The following MYO9A variants were observed in gnomAD, a reference collection of about 807,000 sequenced individuals.
MYO9A encodes the protein myosin IXA, also known as unconventional myosin-IXa.
In MYO9A, 103 loss-of-function variants were observed where a neutral mutation model predicts 293.3. The observed-to-expected ratio is 0.35, with a 90% confidence interval of 0.30 to 0.41. The LOEUF is 0.41. Among genes scored for constraint, MYO9A ranks in the 10% least tolerant of loss-of-function variants. The pLI is 1.00. For missense variants in MYO9A, 2,685 were observed against 3,033.0 expected, an observed-to-expected ratio of 0.89 and a Z score of 2.69; for synonymous variants, 1,001 against 1,035.7, an observed-to-expected ratio of 0.97 and a Z score of 0.64.
At chr15:71,918,523 C>T (rs186419269) in intron 18 of MYO9A, among the ~76,000 whole-genome samples, 34 of 152,094 alleles carry the variant, frequency 2.2e-4, no homozygotes, top group African/African-American at 7.0e-4. Flanking sequence ...AAACAACACA[C>T]ATGTAAAAAG....
chr15:71,975,618 C>T (rs896369608), intron 12 of MYO9A, among the ~76,000 whole-genome samples: 1 of 152,096 alleles, frequency 6.6e-6, no homozygotes, highest in African/African-American at 2.4e-5. Context: ...CTTTTACCTG[C>T]CCAAGGCAGG....
intron 18 of MYO9A, among the ~76,000 whole-genome samples, chr15:71,918,596 C>T (rs2058073272): frequency 6.6e-6 from 1 of 152,116 alleles, no homozygotes; most frequent in African/African-American, 2.4e-5. Context: ...ATTATCACAG[C>T]TTCACGGTAT....
chr15:72,036,247 T>C (rs1329346802), intron 2 of MYO9A, among the ~76,000 whole-genome samples: 1 of 152,128 alleles, frequency 6.6e-6, no homozygotes, highest in Non-Finnish European at 1.5e-5. Context: ...ACATAAAATA[T>C]TTTTTAGTAC....
At chr15:72,007,477 T>C (rs899006921) in intron 8 of MYO9A, among the ~76,000 whole-genome samples, 3 of 151,986 alleles carry the variant, frequency 2.0e-5, no homozygotes, top group African/African-American at 7.2e-5. Context: ...AAAATCTTAG[T>C]ATGAGAAGAA....
chr15:71,825,995 G>GTTTTGTTTTTTTTTT lies in MYO9A; in HGVS notation c.*584_*585insAAAAAAAAAACAAAA, dbSNP rs1567169896. 1.7e-4 allele frequency: 16 copies of GTTTTGTTTTTTTTTT among 91,512 alleles called. No homozygotes were observed. Among genetic ancestry groups the GTTTTGTTTTTTTTTT allele is most frequent in the South Asian group, 3.7e-4 (1 of 2,734 alleles). The allele number at this position is 91,512 out of a possible 1,614,324, so 5.7% of individuals were successfully genotyped here. ...ATGGAAACAATCACGGTTTTTTTTT[G>GTTTTGTTTTTTTTTT]TTTTTTTTTTTTTGTTTTTTTTTTT... On this transcript the variant is annotated 3_prime_UTR_variant, in exon 42 of 42. Transcript: ENST00000356056.
chr15:71,952,055 T>G (rs2059064576), intron 14 of MYO9A, among the ~76,000 whole-genome samples, 159 bp from the exon 15 acceptor site: 1 of 152,146 alleles, frequency 6.6e-6, no homozygotes, highest in Non-Finnish European at 1.5e-5. Flanking sequence ...GTCCAATTAT[T>G]TTGAGGAAAA....
At chr15:71,880,939 T>A (rs2056855095) in intron 28 of MYO9A, among the ~76,000 whole-genome samples, 1 of 152,200 alleles carries the variant, frequency 6.6e-6, no homozygotes, top group African/African-American at 2.4e-5. Flanking sequence ...GTTAACAAAG[T>A]CATAGCTTTG....
chr15:71,969,049 G>A (rs754604232), intron 12 of MYO9A, among the ~76,000 whole-genome samples: 4 of 152,118 alleles, frequency 2.6e-5, no homozygotes, highest in South Asian at 2.1e-4. Flanking sequence ...TTTACATTAC[G>A]CATTCTATCA....
chr15:71,862,687 A>G (rs1398959814), intron 32 of MYO9A, 76 bp from the exon 33 acceptor site: 5 of 924,394 alleles, frequency 5.4e-6, no homozygotes, highest in Non-Finnish European at 8.7e-6. Flanking sequence ...GAAATCCTTC[A>G]ATCTCTTGTT....
At chr15:72,052,386 C>A (rs1196456747) in intron 1 of MYO9A, among the ~76,000 whole-genome samples, 1 of 152,220 alleles carries the variant, frequency 6.6e-6, no homozygotes, top group African/African-American at 2.4e-5. Context: ...AGCTCCCCTT[C>A]ACCTTGCTCA....
At chr15:72,005,256 C>A (rs1394627713) in intron 8 of MYO9A, among the ~76,000 whole-genome samples, 1 of 152,148 alleles carries the variant, frequency 6.6e-6, no homozygotes, top group African/African-American at 2.4e-5. Context: ...TGCCATTTGC[C>A]ATTGTCTTTG....
At chr15:71,984,093 A>G (rs1183540037) in intron 11 of MYO9A, among the ~76,000 whole-genome samples, 2 of 152,212 alleles carry the variant, frequency 1.3e-5, no homozygotes, top group African/African-American at 4.8e-5. Flanking sequence ...TAATTTCTGC[A>G]GACTTTATCT....
chr15:71,862,086 C>T (rs1473498375), intron 33 of MYO9A, among the ~76,000 whole-genome samples: 1 of 152,102 alleles, frequency 6.6e-6, no homozygotes, highest in Non-Finnish European at 1.5e-5. Context: ...GAGCTGAGAT[C>T]ACACCACTGC....
chr15:71,833,297 A>G (rs2054803658), intron 39 of MYO9A, among the ~76,000 whole-genome samples: 2 of 152,094 alleles, frequency 1.3e-5, no homozygotes, highest in South Asian at 4.1e-4. Flanking sequence ...TGGGAAAAAA[A>G]AGACATACCA....
chr15:72,037,498 G>A (rs185162381), intron 2 of MYO9A, among the ~76,000 whole-genome samples: 224 of 152,132 alleles, frequency 1.5e-3, no homozygotes, highest in African/African-American at 4.6e-3. Context: ...GTTGACAACC[G>A]CTTGGCTGAG....
At chr15:71,897,368 C>T in intron 25 of MYO9A, 93 bp downstream of exon 25, 1 of 1,327,408 alleles carries the variant, frequency 7.5e-7, no homozygotes, top group Non-Finnish European at 1.0e-6. Context: ...GTTGAGCAGC[C>T]ACTTTACACA....
intron 11 of MYO9A, 106 bp from the exon 12 acceptor site, chr15:71,978,398 A>G: frequency 1.2e-6 from 1 of 848,178 alleles, no homozygotes; most frequent in Non-Finnish European, 1.7e-6. Context: ...AAGATTTTAA[A>G]AATCACCAAT....
chr15:71,852,073 A>G (rs938853492), intron 36 of MYO9A, 59 bp downstream of exon 36: 1 of 1,521,112 alleles, frequency 6.6e-7, no homozygotes, highest in Non-Finnish European at 8.9e-7. Flanking sequence ...TCTATACTCA[A>G]GATGGCATTT....
intron 4 of MYO9A, 76 bp downstream of exon 4, chr15:72,027,655 T>C (rs2077714329): frequency 3.5e-6 from 4 of 1,127,494 alleles, no homozygotes; most frequent in Non-Finnish European, 3.9e-6. Flanking sequence ...AGGGTCATAA[T>C]ACACAAAGAC....
Sources: allele counts gnomAD v4.1 joint callset (sites outside exome capture counted in the v4.1 genomes callset), GRCh38; gene constraint gnomAD v4.1.1; transcripts MANE v1.5; gene names NCBI Gene and HGNC (gene_info 2026-07-23, HGNC 2026-07-21).